The following DNAH11 variants were observed in gnomAD, a reference collection of about 807,000 sequenced individuals.
DNAH11 encodes the protein dynein axonemal heavy chain 11.
In DNAH11, 442 loss-of-function variants were observed where a neutral mutation model predicts 526.0. That is an observed-to-expected ratio of 0.84 (90% CI 0.78 to 0.91). The LOEUF is 0.91. DNAH11 is among the 40% of genes least tolerant of loss of function. The pLI, the probability that DNAH11 is intolerant of heterozygous loss-of-function variation, is 0.00. For missense variants in DNAH11, 6,989 were observed against 5,448.7 expected, an observed-to-expected ratio of 1.28 and a Z score of -8.90; for synonymous variants, 2,461 against 1,935.9, an observed-to-expected ratio of 1.27 and a Z score of -7.12.
At chr7:21,888,744 T>C (rs1784221761) in intron 76 of DNAH11, among the ~76,000 whole-genome samples, 1 of 152,110 alleles carries the variant, frequency 6.6e-6, no homozygotes, top group Non-Finnish European at 1.5e-5. Context: ...CACCTCGGCC[T>C]CCCAAAGTGC....
At chr7:21,701,875 C>G (rs1000633633) in intron 36 of DNAH11, among the ~76,000 whole-genome samples, 1 of 152,114 alleles carries the variant, frequency 6.6e-6, no homozygotes, top group Non-Finnish European at 1.5e-5. Flanking sequence ...CCCATAGACA[C>G]AGCTGAGAGA....
chr7:21,596,096 C>T (rs1367814797), intron 14 of DNAH11, among the ~76,000 whole-genome samples: 1 of 152,122 alleles, frequency 6.6e-6, no homozygotes, highest in Non-Finnish European at 1.5e-5. Flanking sequence ...TGTTGACTTC[C>T]AGTGTTTTCT....
intron 30 of DNAH11, among the ~76,000 whole-genome samples, chr7:21,677,716 A>C (rs1364202162): frequency 2.6e-5 from 4 of 152,200 alleles, no homozygotes; most frequent in Non-Finnish European, 5.9e-5. Flanking sequence ...TCACTCTTGT[A>C]GTAGGTTAAG....
chr7:21,705,628 T>C (rs1452340779), intron 39 of DNAH11, 91 bp downstream of exon 39: 3 of 1,254,794 alleles, frequency 2.4e-6, no homozygotes, highest in Non-Finnish European at 3.4e-6. Flanking sequence ...TCAAAAGAAT[T>C]CCCCTCCATG....
At chr7:21,879,286 T>C (rs1783826345) in intron 74 of DNAH11, among the ~76,000 whole-genome samples, 1 of 152,054 alleles carries the variant, frequency 6.6e-6, no homozygotes, top group Non-Finnish European at 1.5e-5. Flanking sequence ...TCCCCATCTC[T>C]ATTTAAAAAT....
At chr7:21,765,254 A>G (rs1452590607) in intron 54 of DNAH11, among the ~76,000 whole-genome samples, 174 bp from the exon 55 acceptor site, 1 of 152,232 alleles carries the variant, frequency 6.6e-6, no homozygotes, top group African/African-American at 2.4e-5. Context: ...CTCTTTGGAC[A>G]GGTTTCCACT....
chr7:21,809,464 A>T (rs1160496958), intron 63 of DNAH11, among the ~76,000 whole-genome samples: 6 of 152,044 alleles, frequency 3.9e-5, no homozygotes, highest in Non-Finnish European at 8.8e-5. Context: ...GCATTTTCCC[A>T]ATTTTTCCTA....
rs1449681886 is a variant in DNAH11 at position 21,543,429 on chromosome 7, C to T, written c.184C>T (p.Leu62Phe). Reference protein sequence around the residue: ...SFAQDARVRFLGGRLAMMLGF... With the variant: ...SFAQDARVRFFGGRLAMMLGF... Reference sequence around the variant, plus strand: ...CGCCCAAGACGCGCGGGTGCGCTTCCTCGGCGGCCGCCTGGCGATGATGCT... The same window carrying T: ...CGCCCAAGACGCGCGGGTGCGCTTCTTCGGCGGCCGCCTGGCGATGATGCT... The change falls in exon 1 of 82, where the codon CTC (leucine) becomes TTC (phenylalanine). Residue 62 changes from leucine (L) to phenylalanine (F), a missense_variant. Coordinates refer to ENST00000409508, the MANE Select transcript of DNAH11 (RefSeq NM_001277115.2). The T allele has an allele frequency of 1.3e-6, 2 of 1,557,196 alleles. No homozygotes were observed. The highest frequency in any genetic ancestry group is 1.7e-4 in the Middle Eastern group (1 of 6,002).
chr7:21,734,216 GAAATAA>G (rs1403831816), intron 45 of DNAH11, among the ~76,000 whole-genome samples: 3 of 152,004 alleles, frequency 2.0e-5, no homozygotes, highest in Non-Finnish European at 4.4e-5. Context: ...CATGACCTCT[GAAATAA>G]AAATAACAAC....
Position 21,892,413 on chromosome 7 carries a change from T to G in DNAH11, c.12508-12T>G. 1.9e-6 allele frequency: 3 copies of G among 1,596,666 alleles called. No individual in the cohort carries two copies. Among genetic ancestry groups the G allele is most frequent in the Non-Finnish European group, 2.6e-6 (3 of 1,168,408 alleles). On this transcript the variant is annotated splice_polypyrimidine_tract_variant and intron_variant, in intron 76 of 81. Transcript: ENST00000409508. ...ACATTTGGAATAACTGACTTTTCCT[T>G]TGTGGTTCAAGACTGAAGATGAACT...
chr7:21,587,519 T>G (rs1784514768), intron 9 of DNAH11, among the ~76,000 whole-genome samples: 1 of 152,156 alleles, frequency 6.6e-6, no homozygotes, highest in Non-Finnish European at 1.5e-5. Context: ...GTGGAGTGGT[T>G]GTCCTTGTAA....
At chr7:21,733,478 C>T (rs979994510) in intron 45 of DNAH11, among the ~76,000 whole-genome samples, 3 of 150,384 alleles carry the variant, frequency 2.0e-5, no homozygotes, top group Admixed American at 6.6e-5. Flanking sequence ...GCTTTTTGTT[C>T]AGTCTGCCTA....
chr7:21,892,563 G>C lies in DNAH11; in HGVS notation c.12646G>C (p.Glu4216Gln). ...TGGCCTCCACCCAAATGCTGAAATA[G>C]AATTCCTGACAGTGACATCCAACAC... is the stretch of plus-strand genomic sequence containing the variant. Reference protein sequence around the residue: ...LYGLHPNAEIEFLTVTSNTLF... With the variant: ...LYGLHPNAEIQFLTVTSNTLF... Residue 4216 changes from glutamate to glutamine, a missense_variant, in exon 77 of 82, where the codon GAA (glutamate) becomes CAA (glutamine). By Grantham distance (29) the Glu-to-Gln change is conservative. Coordinates refer to ENST00000409508, the MANE Select transcript of DNAH11 (RefSeq NM_001277115.2). 1 of 1,613,984 alleles carries C rather than the reference G, an allele frequency of 6.2e-7. No homozygotes were observed. Among genetic ancestry groups the C allele is most frequent in the Non-Finnish European group, 8.5e-7 (1 of 1,179,878 alleles).
intron 41 of DNAH11, among the ~76,000 whole-genome samples, chr7:21,711,368 G>T (rs116568273): frequency 2.0e-5 from 3 of 152,110 alleles, no homozygotes; most frequent in African/African-American, 7.2e-5. Flanking sequence ...AAGTTTCTTT[G>T]GACAATTGAT....
chr7:21,842,555 T>G lies in DNAH11; in HGVS notation c.10703T>G (p.Ile3568Ser), dbSNP rs1397601481. 2 of 1,613,662 alleles carry G rather than the reference T, an allele frequency of 1.2e-6. No homozygotes were observed. The highest frequency in any genetic ancestry group is 4.5e-5 in the East Asian group (2 of 44,870). The change falls in exon 66 of 82, where the codon ATT (isoleucine) becomes AGT (serine). Residue 3568 changes from isoleucine to serine, a missense_variant. By Grantham distance (142) the Ile-to-Ser change is moderately radical (BLOSUM62 -2). Transcript: ENST00000409508. ...TTTGCTCCGTTTAGGTATATCAGGA[T>G]TGGAGATAAAGAATGTGAATTTAAC... ...NTIKKGKYIR[I>S]GDKECEFNKN...
intron 34 of DNAH11, among the ~76,000 whole-genome samples, chr7:21,688,270 G>T (rs1783467418): frequency 6.6e-6 from 1 of 152,086 alleles, no homozygotes; most frequent in Non-Finnish European, 1.5e-5. Flanking sequence ...TAAAATGGGG[G>T]AAAGAAGAGT....
chr7:21,749,926 C>G (rs1786338902), intron 53 of DNAH11, 125 bp downstream of exon 53: 3 of 1,426,814 alleles, frequency 2.1e-6, no homozygotes, highest in African/African-American at 1.4e-5. Flanking sequence ...GGGGAGAAAC[C>G]TATAAACCTA....
chr7:21,565,421 C>T (rs1377789406), intron 6 of DNAH11, among the ~76,000 whole-genome samples: 1 of 152,164 alleles, frequency 6.6e-6, no homozygotes, highest in South Asian at 2.1e-4. Context: ...AGATATTTTT[C>T]AAATGAATTA....
intron 42 of DNAH11, 124 bp downstream of exon 42, chr7:21,711,984 G>A: frequency 8.7e-7 from 1 of 1,150,028 alleles, no homozygotes; most frequent in Non-Finnish European, 1.2e-6. Context: ...ATCTCTGGAA[G>A]GATTTTATCT....
Sources: gnomAD v4.1 joint callset for allele counts (sites outside exome capture counted in the v4.1 genomes callset) on GRCh38, gnomAD v4.1.1 for gene constraint, MANE v1.5 for transcripts, NCBI Gene and HGNC (gene_info 2026-07-23, HGNC 2026-07-21) for gene names.